ENO1: variants seen among roughly 807,000 people sequenced by gnomAD.
ENO1 encodes the protein alpha-enolase.
ENO1 carries 33 observed loss-of-function variants against 46.3 expected under a neutral mutation model. That is an observed-to-expected ratio of 0.71 (90% CI 0.54 to 0.95). ENO1 has a LOEUF of 0.95. ENO1 is among the 40% of genes least tolerant of loss of function. The probability of loss-of-function intolerance (pLI) is 0.00; values close to 1 mark genes in which losing one functional copy is unlikely to be tolerated. For synonymous variants in ENO1, 220 were observed against 216.0 expected, an observed-to-expected ratio of 1.02 and a Z score of -0.16; for missense variants, 488 against 553.3, an observed-to-expected ratio of 0.88 and a Z score of 1.18.
chr1:8,862,353 G>C (rs28999098), intron 11 of ENO1, among the ~76,000 whole-genome samples: 1 of 151,874 alleles, frequency 6.6e-6, no homozygotes, highest in Non-Finnish European at 1.5e-5. Context: ...TGAATGAAGG[G>C]GTAATATGGG....
intron 4 of ENO1, among the ~76,000 whole-genome samples, chr1:8,868,976 C>T (rs542661244): frequency 1.3e-5 from 2 of 152,318 alleles, no homozygotes; most frequent in Admixed American, 1.3e-4. Flanking sequence ...GCGTTAGCCA[C>T]TGCACCCAGC....
chr1:8,871,466 G>A (rs1001571104), intron 3 of ENO1: 8 of 1,007,210 alleles, frequency 7.9e-6, no homozygotes, highest in Middle Eastern at 4.9e-4. Flanking sequence ...ACCATTCAGG[G>A]CAGGTCATTG....
rs1642394058 is a variant in ENO1 at position 8,861,191 on chromosome 1, T to C, written c.*169A>G. 1.6e-6 allele frequency: 1 copy of C among 626,888 alleles called. No individual in the cohort carries two copies. The highest frequency in any genetic ancestry group is 2.7e-6 in the Non-Finnish European group (1 of 367,018). The allele number at this position is 626,888 out of a possible 1,614,324, so 38.8% of individuals were successfully genotyped here. On this transcript the variant is annotated 3_prime_UTR_variant, in exon 12 of 12. Coordinates refer to ENST00000234590, the MANE Select transcript of ENO1 (RefSeq NM_001428.5). ...AGCTGCCAACAGGGCTCCAGGGAGC[T>C]TGGCTTCTGTAGAAGTTCTAAGGAA... is the stretch of plus-strand genomic sequence containing the variant.
At chr1:8,871,693 C>A in intron 3 of ENO1, 198 bp downstream of exon 3, 1 of 1,342,318 alleles carries the variant, frequency 7.4e-7, no homozygotes, top group South Asian at 1.7e-5. Context: ...AGCATGCAGG[C>A]TCGGGAACCC....
intron 2 of ENO1, among the ~76,000 whole-genome samples, chr1:8,874,225 ACCTTACTT>A: frequency 6.6e-6 from 1 of 152,158 alleles, no homozygotes; most frequent in Non-Finnish European, 1.5e-5. Flanking sequence ...TTGTGGTATC[ACCTTACTT>A]CCTTACTTCA....
At chr1:8,871,617 T>C (rs1325799526) in intron 3 of ENO1, 49 of 1,238,208 alleles carry the variant, frequency 4.0e-5, no homozygotes, top group Non-Finnish European at 4.2e-5. Flanking sequence ...GTCCTAACCG[T>C]GAAGGAGTAT....
chr1:8,861,288 G>A lies in ENO1; in HGVS notation c.*72C>T. The stretch of plus-strand genomic sequence containing the variant: ...TGCAAGTGTTGGTCGGGGGCCTCGA[G>A]CTGCCTGAGCTGACACGAGGGGAGG... On this transcript the variant is annotated 3_prime_UTR_variant, in exon 12 of 12. Coordinates refer to ENST00000234590, the MANE Select transcript of ENO1 (RefSeq NM_001428.5). 2.0e-6 allele frequency: 3 copies of A among 1,536,468 alleles called. No homozygotes were observed. The highest frequency in any genetic ancestry group is 1.8e-6 in the Non-Finnish European group (2 of 1,113,424).
At position 8,867,225 on chromosome 1, in the gene ENO1, C is replaced by G; in HGVS notation, c.336G>C (p.Leu112=). The part of the protein sequence containing the change: ...NKSKFGANAI[L]GVSLAVCKAG... ...CTTTGCAGACGGCAAGGGACACCCC[C>G]AGAATGGCGTTCGCACCAAACTTAG... is the stretch of plus-strand genomic sequence containing the variant. Residue 112 remains leucine (L), a synonymous_variant, in exon 6 of 12, where the codon CTG becomes CTC. Transcript: ENST00000234590. The G allele has an allele frequency of 6.2e-7, 1 of 1,614,182 alleles. No individual in the cohort carries two copies. The highest frequency in any genetic ancestry group is 8.5e-7 in the Non-Finnish European group (1 of 1,180,032).
chr1:8,873,693 G>A (rs1642677796), intron 2 of ENO1: 1 of 152,302 alleles, frequency 6.6e-6, no homozygotes, highest in South Asian at 2.1e-4. Flanking sequence ...CAGGCCTCAA[G>A]GATCCTTTCT....
intron 8 of ENO1, 129 bp downstream of exon 8, chr1:8,865,156 C>T (rs542024681): frequency 1.3e-5 from 15 of 1,129,180 alleles, no homozygotes; most frequent in South Asian, 8.7e-5. Flanking sequence ...GAATCCCCTA[C>T]GGGAGCTGGA....
rs1220895698 is a variant in ENO1 at position 8,878,648 on chromosome 1, GC to G, written c.-79del. On this transcript the variant is annotated 5_prime_UTR_variant, in exon 1 of 12. Transcript: ENST00000234590. ...CTGCAGACACCGAGGTGAACGTAAA[GC>G]CGGCGAGATCTCCGTGCTCCGGGTA... The G allele has an allele frequency of 2.4e-5, 11 of 455,998 alleles. No individual in the cohort carries two copies. Among genetic ancestry groups the G allele is most frequent in the Non-Finnish European group, 4.8e-5 (11 of 226,820 alleles). The allele number at this position is 455,998 out of a possible 1,614,324, so 28.2% of individuals were successfully genotyped here.
chr1:8,872,906 G>A (rs1642662915), intron 2 of ENO1, among the ~76,000 whole-genome samples: 1 of 152,212 alleles, frequency 6.6e-6, no homozygotes, highest in African/African-American at 2.4e-5. Context: ...TGCAGATACT[G>A]AAACCAGCCA....
chr1:8,871,544 C>T, intron 3 of ENO1: 8 of 1,058,908 alleles, frequency 7.6e-6, no homozygotes, highest in Non-Finnish European at 9.1e-6. Flanking sequence ...CCCACAGAAC[C>T]CTCCTGGGAG....
Position 8,861,149 on chromosome 1 carries a change from CACG to C in ENO1, c.*208_*210del, listed in dbSNP as rs1642393695. 1 of 531,276 alleles carries C rather than the reference CACG, an allele frequency of 1.9e-6. No individual in the cohort carries two copies. Among genetic ancestry groups the C allele is most frequent in the Admixed American group, 3.3e-5 (1 of 30,760 alleles). The allele number at this position is 531,276 out of a possible 1,614,324, so 32.9% of individuals were successfully genotyped here. The stretch of plus-strand genomic sequence containing the variant: ...GAAAAACAATGACTTGGGCCAATTA[CACG>C]ACTGCAAAGCTAGAGCTGCCAACAG... On this transcript the variant is annotated 3_prime_UTR_variant, in exon 12 of 12. Coordinates refer to ENST00000234590, the MANE Select transcript of ENO1 (RefSeq NM_001428.5).
chr1:8,868,116 T>TC, intron 4 of ENO1, 59 bp from the exon 5 acceptor site: 1 of 1,231,406 alleles, frequency 8.1e-7, no homozygotes, highest in South Asian at 1.3e-5. Context: ...TAGCCTTTGC[T>TC]CCCCTACCAT....
intron 11 of ENO1, 69 bp from the exon 12 acceptor site, chr1:8,861,498 C>G: frequency 6.4e-7 from 1 of 1,552,828 alleles, no homozygotes. Context: ...TTTAAGTTTT[C>G]CCATCCTAGA....
intron 4 of ENO1, 59 bp from the exon 5 acceptor site, chr1:8,868,116 T>C (rs1642562036): frequency 3.2e-6 from 4 of 1,231,288 alleles, no homozygotes; most frequent in Non-Finnish European, 4.7e-6. Flanking sequence ...TAGCCTTTGC[T>C]CCCCTACCAT....
chr1:8,872,038 A>T, intron 2 of ENO1, 52 bp from the exon 3 acceptor site: 1 of 1,519,916 alleles, frequency 6.6e-7, no homozygotes, highest in Non-Finnish European at 9.1e-7. Context: ...CAGTTCCAGC[A>T]CAATCCCAAG....
rs1333715788 is a variant in ENO1, at chr1:8,865,338, A to C, written c.812T>G (p.Ile271Ser). ...CAGGTCAGCCAGCTGGTCAGGCGAG[A>C]TGTACCTGCTGGGGTCATCGGGAGA... ...FKSPDDPSRY[I>S]SPDQLADLYK... The change falls in exon 8 of 12, where the codon ATC (isoleucine) becomes AGC (serine). Residue 271 changes from isoleucine to serine, a missense_variant. Ile to Ser is a moderately radical substitution (Grantham distance 142). Coordinates refer to ENST00000234590, the MANE Select transcript of ENO1 (RefSeq NM_001428.5). 6.2e-7 allele frequency: 1 copy of C among 1,614,048 alleles called. No homozygotes were observed. Among genetic ancestry groups the C allele is most frequent in the Non-Finnish European group, 8.5e-7 (1 of 1,180,034 alleles).
Sources: allele counts gnomAD v4.1 joint callset (sites outside exome capture counted in the v4.1 genomes callset), GRCh38; gene constraint gnomAD v4.1.1; transcripts MANE v1.5; gene names NCBI Gene and HGNC (gene_info 2026-07-23, HGNC 2026-07-21).